The following PIP4P2 variants were observed in gnomAD, a reference collection of about 807,000 sequenced individuals.
PIP4P2 encodes the protein type 2 phosphatidylinositol 4,5-bisphosphate 4-phosphatase.
Under a neutral mutation model 33.3 loss-of-function variants are expected in PIP4P2, and 19 were observed. The observed-to-expected ratio is 0.57, with a 90% CI of 0.40 to 0.84. The LOEUF is 0.84. Among genes scored for constraint, PIP4P2 ranks in the 40% least tolerant of loss-of-function variants. The pLI is 0.00. For missense variants in PIP4P2, 270 were observed against 324.7 expected, an observed-to-expected ratio of 0.83 and a Z score of 1.29; for synonymous variants, 110 against 111.9, an observed-to-expected ratio of 0.98 and a Z score of 0.11.
Position 90,998,992 on chromosome 8 carries a change from C to T in PIP4P2, c.540-2248G>A, listed in dbSNP as rs146463550. ...ATCAACAGGGTGAACAGACAACCTA[C>T]AGAATGGGAGAAAAATTTTGCAAAC... On this transcript the variant is annotated intron_variant, in intron 5 of 6. Transcript: ENST00000285419. Among the ~76,000 whole-genome samples, 234 of 152,054 alleles carry T rather than the reference C, an allele frequency of 1.5e-3. 1 individual carries two copies. Among genetic ancestry groups the T allele is most frequent in the African/African-American group, 5.4e-3 (226 of 41,496 alleles).
intron 5 of PIP4P2, among the ~76,000 whole-genome samples, chr8:91,005,211 T>C (rs1426572697): frequency 6.6e-6 from 1 of 152,208 alleles, no homozygotes; most frequent in African/African-American, 2.4e-5. Context: ...TGAATGGTTC[T>C]ACAGCCTCTC....
intron 5 of PIP4P2, among the ~76,000 whole-genome samples, chr8:91,000,028 T>C (rs1811680973): frequency 6.6e-6 from 1 of 152,032 alleles, no homozygotes; most frequent in Admixed American, 6.6e-5. Flanking sequence ...TTTCCTCTTA[T>C]TATTCTGAAA....
intron 1 of PIP4P2, among the ~76,000 whole-genome samples, chr8:91,036,505 T>G (rs1287973461): frequency 6.6e-6 from 1 of 152,090 alleles, no homozygotes; most frequent in African/African-American, 2.4e-5. Context: ...GTGCAATCCA[T>G]CATCAAGCCC....
intron 4 of PIP4P2, among the ~76,000 whole-genome samples, chr8:91,012,593 T>G (rs1238220737): frequency 6.6e-6 from 1 of 152,090 alleles, no homozygotes; most frequent in Non-Finnish European, 1.5e-5. Flanking sequence ...CCTATAAAAT[T>G]TTGAAATCAT....
intron 1 of PIP4P2, among the ~76,000 whole-genome samples, chr8:91,024,742 A>C (rs888057825): frequency 6.6e-6 from 1 of 152,162 alleles, no homozygotes; most frequent in East Asian, 1.9e-4. Flanking sequence ...TGTTATCTAA[A>C]CAATGGTCAT....
At chr8:91,019,506 A>C (rs950056343) in intron 3 of PIP4P2, among the ~76,000 whole-genome samples, 5 of 150,752 alleles carry the variant, frequency 3.3e-5, no homozygotes, top group African/African-American at 1.2e-4. Flanking sequence ...TTCAGGGCAG[A>C]AGGTAGAGGT....
chr8:91,017,210 C>A (rs145929271), intron 4 of PIP4P2, among the ~76,000 whole-genome samples: 285 of 152,052 alleles, frequency 1.9e-3, no homozygotes, highest in African/African-American at 6.4e-3. Context: ...AGAAGTCTGG[C>A]CAACATTATG....
chr8:91,012,549 G>C (rs1285587167), intron 4 of PIP4P2, among the ~76,000 whole-genome samples: 1 of 152,016 alleles, frequency 6.6e-6, no homozygotes, highest in Non-Finnish European at 1.5e-5. Flanking sequence ...TCTCCTATAG[G>C]TGTATACAGT....
At chr8:91,022,076 C>CA (rs2130370987) in intron 1 of PIP4P2, among the ~76,000 whole-genome samples, 1 of 152,154 alleles carries the variant, frequency 6.6e-6, no homozygotes, top group Non-Finnish European at 1.5e-5. Context: ...GTAAGAAATG[C>CA]ACCAAAGTGT....
chr8:91,029,239 C>G (rs57609704), intron 1 of PIP4P2, among the ~76,000 whole-genome samples: 1 of 151,412 alleles, frequency 6.6e-6, no homozygotes, highest in African/African-American at 2.4e-5. Flanking sequence ...TGCAGTGAGC[C>G]AAGATCGTGC....
At chr8:90,996,795 C>A (rs1811634833) in intron 5 of PIP4P2, 51 bp from the exon 6 acceptor site, 4 of 1,452,302 alleles carry the variant, frequency 2.8e-6, no homozygotes, top group Admixed American at 2.2e-5. Context: ...CATAAAAATT[C>A]TCTATTTCAT....
chr8:91,011,128 C>G (rs1811832865), intron 4 of PIP4P2, among the ~76,000 whole-genome samples: 2 of 151,716 alleles, frequency 1.3e-5, no homozygotes, highest in Admixed American at 1.3e-4. Context: ...AACTATTATC[C>G]CTCTCTGCTA....
Position 90,995,628 on chromosome 8 carries a change from C to T in PIP4P2, c.*49G>A, listed in dbSNP as rs762688213. ...ATTTAAAGATGTCCAGAGTAGCTTACCAAGAACTGCTAGACACTCTCACCT... is the reference window on the plus strand; with the variant it reads ...ATTTAAAGATGTCCAGAGTAGCTTATCAAGAACTGCTAGACACTCTCACCT... On this transcript the variant is annotated 3_prime_UTR_variant, in exon 7 of 7. Coordinates refer to ENST00000285419, the MANE Select transcript of PIP4P2 (RefSeq NM_018710.3). The T allele has an allele frequency of 1.3e-6, 2 of 1,569,638 alleles. No homozygotes were observed. Among genetic ancestry groups the T allele is most frequent in the South Asian group, 1.2e-5 (1 of 83,280 alleles).
intron 3 of PIP4P2, chr8:91,018,762 G>T: frequency 2.8e-6 from 1 of 361,818 alleles, no homozygotes; most frequent in South Asian, 4.8e-5. Flanking sequence ...CCATTTAACT[G>T]TCATTTCCAA....
chr8:90,996,515 T>C, intron 6 of PIP4P2, 139 bp downstream of exon 6: 1 of 586,564 alleles, frequency 1.7e-6, no homozygotes, highest in East Asian at 3.2e-5. Context: ...TGATTGCTCA[T>C]AATCATTCAG....
In PIP4P2 at chr8:91,034,440, G is replaced by T. The variant is rs72664419; in HGVS notation, c.106+6204C>A. Among the ~76,000 whole-genome samples, 1,249 of 152,314 alleles carry T rather than the reference G, an allele frequency of 8.2e-3. 8 individuals carry two copies. Among genetic ancestry groups the T allele is most frequent in the Middle Eastern group, 0.017 (5 of 294 alleles). On this transcript the variant is annotated intron_variant, in intron 1 of 6. Transcript: ENST00000285419. Reference sequence around the variant, plus strand: ...CTAGAAGCCGATCTATTTCACCAATGTGTGGGCTCTATTTTTCCTTGAAGA... The same window carrying T: ...CTAGAAGCCGATCTATTTCACCAATTTGTGGGCTCTATTTTTCCTTGAAGA...
chr8:91,036,565 C>T (rs1342933965), intron 1 of PIP4P2, among the ~76,000 whole-genome samples: 1 of 152,158 alleles, frequency 6.6e-6, no homozygotes. Context: ...ATCTCTACCA[C>T]CACCTGAGTC....
chr8:90,996,881 CATG>C, intron 5 of PIP4P2, 137 bp from the exon 6 acceptor site: 1 of 681,462 alleles, frequency 1.5e-6, no homozygotes, highest in Middle Eastern at 4.1e-4. Flanking sequence ...CAGACAAGAA[CATG>C]CATTAAACAT....
rs569446045 is a variant in PIP4P2 at position 91,021,091 on chromosome 8, AG to A, written c.255+164del. Among the ~76,000 whole-genome samples, 13 of 152,358 alleles carry A rather than the reference AG, an allele frequency of 8.5e-5. 1 individual carries two copies. The South Asian group carries it at 2.5e-3, about 29-fold the overall frequency. Reference sequence around the variant, plus strand: ...AATGGGGTTAGCTTTAAACACAGTGAGGTATCCTATGATGAAAGAGAGACAG... The same window carrying A: ...AATGGGGTTAGCTTTAAACACAGTGAGTATCCTATGATGAAAGAGAGACAG... On this transcript the variant is annotated intron_variant, in intron 2 of 6. Coordinates refer to ENST00000285419, the MANE Select transcript of PIP4P2 (RefSeq NM_018710.3).
Sources: allele counts gnomAD v4.1 joint callset (sites outside exome capture counted in the v4.1 genomes callset), GRCh38; gene constraint gnomAD v4.1.1; transcripts MANE v1.5; gene names NCBI Gene and HGNC (gene_info 2026-07-23, HGNC 2026-07-21).